ST6GAL2: variants seen among roughly 807,000 people sequenced by gnomAD.
ST6GAL2 encodes the protein beta-galactoside alpha-2,6-sialyltransferase 2.
A neutral mutation model predicts 37.5 loss-of-function variants in ST6GAL2; 24 were observed. The observed-to-expected ratio is 0.64, with a 90% CI of 0.46 to 0.90. The LOEUF is 0.90. Ranked by LOEUF, ST6GAL2 falls within the 40% of genes least tolerant of loss-of-function variation. ST6GAL2 has a pLI of 0.00. For missense variants in ST6GAL2, 715 were observed against 712.7 expected (o/e 1.00, Z -0.04); for synonymous variants, 306 against 295.1 (o/e 1.04, Z -0.38).
intron 2 of ST6GAL2, 39 bp from the exon 3 acceptor site, chr2:106,834,185 G>T: frequency 6.9e-7 from 1 of 1,449,534 alleles, no homozygotes; most frequent in African/African-American, 1.4e-5. Context: ...TTTGTTCTCT[G>T]TAGAATCACA....
chr2:106,813,114 GTTTT>G, intron 5 of ST6GAL2: 24 of 1,138,910 alleles, frequency 2.1e-5, no homozygotes, highest in South Asian at 1.2e-4. Flanking sequence ...TATATGGCCA[GTTTT>G]TTTTTTTTTT....
At chr2:106,807,624 T>C (rs962563853) in intron 5 of ST6GAL2, among the ~76,000 whole-genome samples, 2 of 120,234 alleles carry the variant, frequency 1.7e-5, no homozygotes, top group Non-Finnish European at 3.3e-5. Flanking sequence ...ACTGAGTACA[T>C]TTTATTCTTT....
chr2:106,881,261 T>C (rs1678740215), intron 1 of ST6GAL2, among the ~76,000 whole-genome samples: 1 of 152,192 alleles, frequency 6.6e-6, no homozygotes, highest in South Asian at 2.1e-4. Flanking sequence ...AGTGTTGGGA[T>C]TATAGGCACT....
At chr2:106,826,536 T>A in intron 5 of ST6GAL2, among the ~76,000 whole-genome samples, 1 of 121,782 alleles carries the variant, frequency 8.2e-6, no homozygotes, top group African/African-American at 3.6e-5. Context: ...CGAGACTCCG[T>A]CTCAAAAAAA....
chr2:106,869,921 A>G (rs1475681550), intron 1 of ST6GAL2, among the ~76,000 whole-genome samples: 3 of 152,180 alleles, frequency 2.0e-5, no homozygotes, highest in Admixed American at 2.0e-4. Context: ...AGCCAGGGAG[A>G]CAGCCAATCC....
At chr2:106,850,080 C>T (rs1159026737) in intron 1 of ST6GAL2, among the ~76,000 whole-genome samples, 1 of 152,174 alleles carries the variant, frequency 6.6e-6, no homozygotes, top group East Asian at 1.9e-4. Flanking sequence ...TTTTACAGGG[C>T]TTTTGTGTTT....
rs1425070594 is a variant in ST6GAL2 at position 106,884,934 on chromosome 2, T to TATATATATATATACACAC, written c.-58+1158_-58+1159insGTGTGTATATATATATAT. 2.1e-4 allele frequency among the ~76,000 whole-genome samples: 25 copies of TATATATATATATACACAC among 120,456 alleles called. 1 individual carries two copies. The highest frequency in any genetic ancestry group is 7.8e-4 in the African/African-American group (22 of 28,158). 79.0% of individuals were successfully genotyped at this position (120,456 alleles called of 152,430 possible). On this transcript the variant is annotated intron_variant, in intron 1 of 5. Transcript: ENST00000409382. ...ATATATATATATATATATATATATA[T>TATATATATATATACACAC]ACATACACACACACACATATATACA...
chr2:106,881,197 C>G (rs1451769078), intron 1 of ST6GAL2, among the ~76,000 whole-genome samples: 1 of 152,036 alleles, frequency 6.6e-6, no homozygotes, highest in Non-Finnish European at 1.5e-5. Flanking sequence ...GTTATGTTGC[C>G]CAGGCTAGTC....
intron 1 of ST6GAL2, among the ~76,000 whole-genome samples, chr2:106,848,438 A>T (rs1247410598): frequency 6.6e-6 from 1 of 152,230 alleles, no homozygotes; most frequent in Non-Finnish European, 1.5e-5. Context: ...AAAATGAGAA[A>T]TGCAGGTTTC....
At chr2:106,853,182 C>G (rs1426466406) in intron 1 of ST6GAL2, among the ~76,000 whole-genome samples, 2 of 152,194 alleles carry the variant, frequency 1.3e-5, no homozygotes, top group East Asian at 3.9e-4. Flanking sequence ...AACAAGTGAT[C>G]CTCTGACATC....
chr2:106,856,106 T>C (rs1162260523), intron 1 of ST6GAL2, among the ~76,000 whole-genome samples: 1 of 152,112 alleles, frequency 6.6e-6, no homozygotes, highest in Non-Finnish European at 1.5e-5. Context: ...CCTCACAGAG[T>C]TGTCATAGAA....
intron 5 of ST6GAL2, chr2:106,813,155 C>A: frequency 7.9e-7 from 1 of 1,272,734 alleles, no homozygotes; most frequent in South Asian, 2.7e-5. Flanking sequence ...CTCTGTCGTC[C>A]AGGCTGGAGT....
chr2:106,806,357 G>A lies in ST6GAL2; in HGVS notation c.*321C>T, dbSNP rs1240744712. 3.8e-6 allele frequency: 1 copy of A among 259,890 alleles called. No homozygotes were observed. The highest frequency in any genetic ancestry group is 8.4e-5 in the East Asian group (1 of 11,932). The allele number at this position is 259,890 out of a possible 1,614,324, so 16.1% of individuals were successfully genotyped here. ...AAAACCTGTCATTGAAACCAACCCT[G>A]ATGAGGGGTACTCATGGCAGAAGAA... is the stretch of plus-strand genomic sequence containing the variant. On this transcript the variant is annotated 3_prime_UTR_variant, in exon 6 of 6. Transcript: ENST00000409382.
intron 5 of ST6GAL2, among the ~76,000 whole-genome samples, chr2:106,807,173 T>C (rs1211560787): frequency 6.6e-6 from 1 of 152,122 alleles, no homozygotes; most frequent in Non-Finnish European, 1.5e-5. Flanking sequence ...TATATATCTA[T>C]TCGCTCATTT....
rs570651136 is a variant in ST6GAL2, at chr2:106,802,254, A to C, written c.*4424T>G. 11 of 152,318 alleles carry C rather than the reference A, an allele frequency of 7.2e-5. No individual in the cohort carries two copies. Among genetic ancestry groups the C allele is most frequent in the Admixed American group, 5.9e-4 (9 of 15,300 alleles). The allele number at this position is 152,318 out of a possible 1,614,324, so 9.4% of individuals were successfully genotyped here. ...TATTAGTGGTTACATAATTAAAATA[A>C]AATTTATTGTAAAGGTTTCAGTCAA... On this transcript the variant is annotated 3_prime_UTR_variant, in exon 6 of 6. Transcript: ENST00000409382.
chr2:106,861,750 C>T (rs1677807985), intron 1 of ST6GAL2, among the ~76,000 whole-genome samples: 1 of 151,996 alleles, frequency 6.6e-6, no homozygotes, highest in Non-Finnish European at 1.5e-5. Context: ...CCCACCTCAG[C>T]CTCCCGAATA....
chr2:106,857,588 A>G (rs1246373409), intron 1 of ST6GAL2, among the ~76,000 whole-genome samples: 3 of 152,216 alleles, frequency 2.0e-5, no homozygotes, highest in African/African-American at 4.8e-5. Context: ...TGGGCAACAC[A>G]GCAAGACCCC....
chr2:106,871,594 C>A (rs1436833915), intron 1 of ST6GAL2, among the ~76,000 whole-genome samples: 1 of 152,132 alleles, frequency 6.6e-6, no homozygotes, highest in Non-Finnish European at 1.5e-5. Context: ...AAGCATTTTT[C>A]TATGCTTAAA....
chr2:106,830,143 A>G lies in ST6GAL2; in HGVS notation c.1241T>C (p.Ile414Thr), dbSNP rs1337901290. 6.2e-7 allele frequency: 1 copy of G among 1,613,974 alleles called. No individual in the cohort carries two copies. Among genetic ancestry groups the G allele is most frequent in the Non-Finnish European group, 8.5e-7 (1 of 1,179,920 alleles). The change falls in exon 5 of 6, where the codon ATA becomes ACA. Residue 414 changes from isoleucine to threonine, a missense_variant. This residue lies in a region of ST6GAL2 where 198 missense variants were observed against 203.6 expected (regional missense o/e 0.97). Coordinates refer to ENST00000409382, the MANE Select transcript of ST6GAL2 (RefSeq NM_001142351.2). The stretch of plus-strand genomic sequence containing the variant: ...CTGGATAATATCCCAGAGCTGCCAT[A>G]TAAATTTAGGATGAAGAATGTAAAA... ...QPFYILHPKF[I>T]WQLWDIIQEN... is the part of the protein sequence containing the mutation.
Sources: gnomAD v4.1 joint callset for allele counts (sites outside exome capture counted in the v4.1 genomes callset) on GRCh38, gnomAD v4.1.1 for gene constraint, gnomAD v4.1.1 regional missense constraint, MANE v1.5 for transcripts, NCBI Gene and HGNC (gene_info 2026-07-23, HGNC 2026-07-21) for gene names.